Variants in DOK6 observed in about 807,000 individuals in gnomAD.
The protein encoded by DOK6 is docking protein 6, also known as downstream of tyrosine kinase 6.
Under a neutral mutation model 44.0 loss-of-function variants are expected in DOK6, and 22 were observed. The ratio of observed to expected loss-of-function variants is 0.50; its 90% CI spans 0.36 to 0.71. The LOEUF (loss-of-function observed/expected upper bound fraction) is 0.71, where lower values mean the gene tolerates loss of function less well. Among genes scored for constraint, DOK6 ranks in the 30% least tolerant of loss-of-function variants. DOK6 has a pLI of 0.00. For missense variants in DOK6, 340 were observed against 416.4 expected, an observed-to-expected ratio of 0.82 and a Z score of 1.60; for synonymous variants, 166 against 145.5, an observed-to-expected ratio of 1.14 and a Z score of -1.01.
chr18:69,741,877 A>T (rs1475926016), intron 6 of DOK6, among the ~76,000 whole-genome samples: 3 of 152,200 alleles, frequency 2.0e-5, no homozygotes, highest in Non-Finnish European at 4.4e-5. Flanking sequence ...ACTATTTAAA[A>T]TAACAAAATT....
intron 1 of DOK6, among the ~76,000 whole-genome samples, chr18:69,546,463 GCTAA>G (rs767268951): frequency 1.3e-5 from 2 of 151,434 alleles, no homozygotes; most frequent in Non-Finnish European, 3.0e-5. Flanking sequence ...ACCAGGAATG[GCTAA>G]CTTTTTAAAA....
At chr18:69,721,261 C>T (rs1978288355) in intron 5 of DOK6, 1 of 152,136 alleles carries the variant, frequency 6.6e-6, no homozygotes, top group Non-Finnish European at 1.5e-5. Flanking sequence ...ACATAATAGG[C>T]CCCAAGAAAT....
intron 3 of DOK6, among the ~76,000 whole-genome samples, chr18:69,646,258 A>G (rs1985070103): frequency 6.6e-6 from 1 of 151,980 alleles, no homozygotes; most frequent in Non-Finnish European, 1.5e-5. Context: ...TATTTTAGTT[A>G]CTTTTCCTAT....
intron 6 of DOK6, among the ~76,000 whole-genome samples, chr18:69,742,651 C>G (rs1387679021): frequency 6.6e-6 from 1 of 152,152 alleles, no homozygotes; most frequent in African/African-American, 2.4e-5. Context: ...TTGCACTATG[C>G]TGAGTACCCT....
chr18:69,506,822 C>G (rs1238900716), intron 1 of DOK6, among the ~76,000 whole-genome samples: 1 of 151,756 alleles, frequency 6.6e-6, no homozygotes, highest in East Asian at 1.9e-4. Flanking sequence ...CTAAAGTTTT[C>G]CTAAATGATG....
rs141884280 is a variant in DOK6 at position 69,804,250 on chromosome 18, A to G, written c.857-36994A>G. Among the ~76,000 whole-genome samples the G allele has an allele frequency of 1.5e-3, 227 of 152,320 alleles. 6 individuals are homozygous for G. In the East Asian group the frequency reaches 0.037, roughly 25 times the overall value. On this transcript the variant is annotated intron_variant, in intron 7 of 7. Transcript: ENST00000382713. The stretch of plus-strand genomic sequence containing the variant: ...AAGTTGTTTTCACTGAGACAACGAA[A>G]AAACAAGACTTTTAACTTTATAATT...
intron 7 of DOK6, among the ~76,000 whole-genome samples, chr18:69,759,267 G>A (rs1979462442): frequency 6.6e-6 from 1 of 152,110 alleles, no homozygotes; most frequent in African/African-American, 2.4e-5. Context: ...CACTCAAATT[G>A]CCTGAGTCAT....
At position 69,814,551 on chromosome 18, in the gene DOK6, C is replaced by T. The variant is rs149373485; in HGVS notation, c.857-26693C>T. ...TCTCACACTGCTATAAAGAACTATC[C>T]GAGACTGGATAATTTATGAAGAAAA... On this transcript the variant is annotated intron_variant, in intron 7 of 7. Coordinates refer to ENST00000382713, the MANE Select transcript of DOK6 (RefSeq NM_152721.6). Among the ~76,000 whole-genome samples the T allele has an allele frequency of 9.3e-4, 141 of 152,148 alleles. 2 individuals carry two copies. In the East Asian group the frequency reaches 0.016, roughly 18 times the overall value.
rs537041369 is a variant in DOK6, at chr18:69,735,595, G to A, written c.600-3370G>A. ...TGCCATAAACCAGAGAAGCTCCCCT[G>A]AGCCTTGATGTCCAAGGTTTTTATT... On this transcript the variant is annotated intron_variant, in intron 5 of 7. Coordinates refer to ENST00000382713, the MANE Select transcript of DOK6 (RefSeq NM_152721.6). Among the ~76,000 whole-genome samples, 123 of 152,350 alleles carry A rather than the reference G, an allele frequency of 8.1e-4. 1 individual carries two copies. The South Asian group carries it at 0.012, about 15-fold the overall frequency.
At chr18:69,553,974 T>G (rs532621394) in intron 1 of DOK6, among the ~76,000 whole-genome samples, 1 of 152,332 alleles carries the variant, frequency 6.6e-6, no homozygotes, top group African/African-American at 2.4e-5. Flanking sequence ...TTGAAAATCC[T>G]AGCAAAGGAT....
At chr18:69,610,713 A>G (rs1984118220) in intron 3 of DOK6, among the ~76,000 whole-genome samples, 1 of 152,240 alleles carries the variant, frequency 6.6e-6, no homozygotes. Context: ...AAAAAACAAT[A>G]CAAATTAGGA....
chr18:69,518,199 C>T (rs184049573), intron 1 of DOK6, among the ~76,000 whole-genome samples: 16 of 152,252 alleles, frequency 1.1e-4, no homozygotes, highest in Admixed American at 5.9e-4. Flanking sequence ...CATAATATTA[C>T]AATTTTAAAG....
intron 1 of DOK6, among the ~76,000 whole-genome samples, chr18:69,492,568 C>A (rs1163166425): frequency 6.6e-6 from 1 of 151,940 alleles, no homozygotes; most frequent in Non-Finnish European, 1.5e-5. Flanking sequence ...GTTTTTCAAT[C>A]CTCACCCTCC....
chr18:69,702,154 TA>T (rs531551355), intron 5 of DOK6, among the ~76,000 whole-genome samples: 6 of 149,010 alleles, frequency 4.0e-5, no homozygotes, highest in Admixed American at 6.7e-5. Flanking sequence ...TTTTTTTTTT[TA>T]AATATCATTT....
intron 7 of DOK6, among the ~76,000 whole-genome samples, chr18:69,762,640 T>G (rs547300546): frequency 2.0e-5 from 3 of 152,168 alleles, no homozygotes; most frequent in African/African-American, 7.2e-5. Context: ...AGCAGAAAAC[T>G]TTCATATATT....
intron 7 of DOK6, among the ~76,000 whole-genome samples, chr18:69,809,565 G>GACACACACACACACACAC (rs57753226): frequency 6.8e-5 from 10 of 146,222 alleles, no homozygotes; most frequent in African/African-American, 1.8e-4. Context: ...CACACACACA[G>GACACACACACACACACAC]ACACACACAC....
intron 1 of DOK6, among the ~76,000 whole-genome samples, chr18:69,460,679 A>G (rs1979763869): frequency 6.6e-6 from 1 of 152,188 alleles, no homozygotes; most frequent in African/African-American, 2.4e-5. Context: ...TTATATAATC[A>G]GTTATGTGTT....
intron 7 of DOK6, among the ~76,000 whole-genome samples, chr18:69,798,270 G>A (rs1980805976): frequency 6.6e-6 from 1 of 152,124 alleles, no homozygotes; most frequent in African/African-American, 2.4e-5. Flanking sequence ...CAAGACAATA[G>A]TTATTTTGGA....
Position 69,591,489 on chromosome 18 carries a change from A to G in DOK6, c.175-7895A>G, listed in dbSNP as rs997678053. 3.9e-5 allele frequency among the ~76,000 whole-genome samples: 6 copies of G among 152,310 alleles called. No individual in the cohort carries two copies. The East Asian group carries it at 9.6e-4, about 24-fold the overall frequency. ...CAACTGAGTGCTTACTGAAAATTTG[A>G]AAATTTAAGCTTGCAAGTAAAAATT... On this transcript the variant is annotated intron_variant, in intron 2 of 7. Transcript: ENST00000382713.
Sources: allele counts gnomAD v4.1 joint callset (sites outside exome capture counted in the v4.1 genomes callset), GRCh38; gene constraint gnomAD v4.1.1; transcripts MANE v1.5; gene names NCBI Gene and HGNC (gene_info 2026-07-23, HGNC 2026-07-21).